Variants in TRHDE observed in about 807,000 individuals in gnomAD.
TRHDE encodes thyrotropin-releasing hormone-degrading ectoenzyme.
In TRHDE, 72 loss-of-function variants were observed where a neutral mutation model predicts 125.7. The ratio of observed to expected loss-of-function variants is 0.57; its 90% CI spans 0.47 to 0.70. The LOEUF is 0.70. TRHDE is among the 30% of genes least tolerant of loss of function. The pLI is 0.00. For synonymous variants in TRHDE, 509 were observed against 509.1 expected (o/e 1.00, Z 0.00); for missense variants, 1,110 against 1,327.1 (o/e 0.84, Z 2.54).
chr12:72,414,899 T>C (rs566152951), intron 3 of TRHDE, among the ~76,000 whole-genome samples: 49 of 152,274 alleles, frequency 3.2e-4, no homozygotes, highest in African/African-American at 1.1e-3. Context: ...AAAACTGCGA[T>C]TCAGAAAATT....
intron 3 of TRHDE, among the ~76,000 whole-genome samples, chr12:72,414,786 T>A (rs902014914): frequency 2.0e-5 from 3 of 152,166 alleles, no homozygotes; most frequent in Non-Finnish European, 2.9e-5. Context: ...GAACATAATT[T>A]ATTCATTTAC....
intron 6 of TRHDE, among the ~76,000 whole-genome samples, chr12:72,541,032 CTG>C (rs1411826264): frequency 6.6e-6 from 1 of 151,564 alleles, no homozygotes; most frequent in Non-Finnish European, 1.5e-5. Flanking sequence ...TAGTAACAAA[CTG>C]TGGAAATTCA....
At chr12:72,557,786 C>T (rs1011955400) in intron 7 of TRHDE, among the ~76,000 whole-genome samples, 5 of 152,090 alleles carry the variant, frequency 3.3e-5, no homozygotes, top group East Asian at 1.9e-4. Flanking sequence ...TATATGCAAT[C>T]GCATATATCC....
At chr12:72,256,735 T>C (rs1878823277) in intron 2 of TRHDE, 1 of 152,210 alleles carries the variant, frequency 6.6e-6, no homozygotes, top group Admixed American at 6.5e-5. Context: ...TGAAAAGAGA[T>C]TGCTGTAAAT....
At chr12:72,643,200 T>G (rs1246513248) in intron 15 of TRHDE, among the ~76,000 whole-genome samples, 1 of 152,214 alleles carries the variant, frequency 6.6e-6, no homozygotes, top group Non-Finnish European at 1.5e-5. Flanking sequence ...ACCTATGCAA[T>G]TGTACCTATT....
chr12:72,371,721 T>G (rs1871600852), intron 2 of TRHDE, among the ~76,000 whole-genome samples: 1 of 152,146 alleles, frequency 6.6e-6, no homozygotes, highest in Non-Finnish European at 1.5e-5. Context: ...GGACATGAAC[T>G]CATCCTTTTT....
At chr12:72,252,055 A>G (rs1334645483) in intron 2 of TRHDE, among the ~76,000 whole-genome samples, 1 of 152,080 alleles carries the variant, frequency 6.6e-6, no homozygotes, top group East Asian at 1.9e-4. Context: ...TTTGTCAGTT[A>G]TGTGGCTTGC....
At chr12:72,428,051 A>T (rs1874266173) in intron 3 of TRHDE, among the ~76,000 whole-genome samples, 1 of 152,144 alleles carries the variant, frequency 6.6e-6, no homozygotes, top group African/African-American at 2.4e-5. Context: ...AGAAAAAATA[A>T]ATGTTAACAG....
intron 1 of TRHDE, among the ~76,000 whole-genome samples, chr12:72,098,993 T>C (rs988956705): frequency 6.6e-6 from 1 of 152,202 alleles, no homozygotes; most frequent in African/African-American, 2.4e-5. Flanking sequence ...GGTGAAACTC[T>C]GTCTCTATTA....
chr12:72,655,161 C>T (rs189724929), intron 17 of TRHDE, among the ~76,000 whole-genome samples: 6 of 152,196 alleles, frequency 3.9e-5, no homozygotes, highest in African/African-American at 1.4e-4. Flanking sequence ...CAGCCTTGAC[C>T]TCCTGAGTTC....
intron 2 of TRHDE, among the ~76,000 whole-genome samples, chr12:72,108,636 T>A (rs1875244659): frequency 6.6e-6 from 1 of 152,132 alleles, no homozygotes; most frequent in South Asian, 2.1e-4. Flanking sequence ...ATTGAAAACT[T>A]CTGCAGTGAC....
chr12:72,434,967 T>C (rs987699285), intron 3 of TRHDE, among the ~76,000 whole-genome samples: 8 of 152,220 alleles, frequency 5.3e-5, no homozygotes, highest in Admixed American at 5.2e-4. Flanking sequence ...AGTTTAAATC[T>C]ACCTTACATG....
intron 6 of TRHDE, among the ~76,000 whole-genome samples, chr12:72,539,455 G>T (rs1459156009): frequency 1.3e-5 from 2 of 151,936 alleles, no homozygotes; most frequent in East Asian, 3.9e-4. Context: ...CAAAGTAATT[G>T]CTATGCATGC....
intron 12 of TRHDE, among the ~76,000 whole-genome samples, chr12:72,583,827 T>C (rs1182593257): frequency 6.6e-6 from 1 of 151,724 alleles, no homozygotes; most frequent in African/African-American, 2.4e-5. Flanking sequence ...GTCCTTGGGA[T>C]GAGGATTTAT....
At position 72,369,278 on chromosome 12, in the gene TRHDE, C is replaced by T. The variant is rs544221261; in HGVS notation, c.1189-8717C>T. The stretch of plus-strand genomic sequence containing the variant: ...GCTCATTGCTATGATGTATTACCAC[C>T]AGGGTGGTGCCATAAGCATATTTTT... On this transcript the variant is annotated intron_variant, in intron 2 of 18. Coordinates refer to ENST00000261180, the MANE Select transcript of TRHDE (RefSeq NM_013381.3). Among the ~76,000 whole-genome samples the T allele has an allele frequency of 1.4e-4, 22 of 152,188 alleles. No homozygotes were observed. The South Asian group carries it at 1.5e-3, about 10-fold the overall frequency.
intron 18 of TRHDE, among the ~76,000 whole-genome samples, chr12:72,658,940 G>A (rs578254365): frequency 3.3e-5 from 5 of 152,036 alleles, no homozygotes; most frequent in Non-Finnish European, 7.4e-5. Flanking sequence ...TGGGGGTTTT[G>A]GTTTTTATGG....
chr12:72,607,592 C>A (rs190207849), intron 12 of TRHDE, among the ~76,000 whole-genome samples: 2 of 152,212 alleles, frequency 1.3e-5, no homozygotes, highest in Admixed American at 1.3e-4. Context: ...AGTTCTCTAG[C>A]ATGCTCCATA....
At chr12:72,655,203 G>C (rs984393863) in intron 17 of TRHDE, among the ~76,000 whole-genome samples, 5 of 152,074 alleles carry the variant, frequency 3.3e-5, no homozygotes, top group Admixed American at 1.3e-4. Context: ...CTCCTGAGTA[G>C]CTGGGACTAC....
chr12:72,156,896 A>G (rs1034966084), intron 2 of TRHDE, among the ~76,000 whole-genome samples: 1 of 152,220 alleles, frequency 6.6e-6, no homozygotes, highest in African/African-American at 2.4e-5. Context: ...CTGACATTCT[A>G]GCATCACATA....
Sources: gnomAD v4.1 joint callset for allele counts (sites outside exome capture counted in the v4.1 genomes callset) on GRCh38, gnomAD v4.1.1 for gene constraint, MANE v1.5 for transcripts, NCBI Gene and HGNC (gene_info 2026-07-23, HGNC 2026-07-21) for gene names.